The following SOS1 variants were observed in gnomAD, a reference collection of about 807,000 sequenced individuals.
SOS1 encodes the protein son of sevenless homolog 1.
In SOS1, 25 loss-of-function variants were observed where a neutral mutation model predicts 157.6. The ratio of observed to expected loss-of-function variants is 0.16; its 90% CI spans 0.12 to 0.22. SOS1 has a LOEUF of 0.22. Among genes scored for constraint, SOS1 ranks in the 10% least tolerant of loss-of-function variants. The pLI is 1.00. For missense variants in SOS1, 1,237 were observed against 1,599.1 expected, an observed-to-expected ratio of 0.77 and a Z score of 3.86; for synonymous variants, 528 against 534.0, an observed-to-expected ratio of 0.99 and a Z score of 0.16.
rs115050725 is a variant in SOS1 at position 39,072,689 on chromosome 2, A to C, written c.88-4936T>G. 9.7e-3 allele frequency among the ~76,000 whole-genome samples: 1,474 copies of C among 152,302 alleles called. 18 individuals are homozygous for C. The highest frequency in any genetic ancestry group is 0.016 in the Admixed American group (252 of 15,290). On this transcript the variant is annotated intron_variant, in intron 1 of 22. Transcript: ENST00000402219. ...ATTTATTGATGGTTACTAATATCCA[A>C]ATAAGAACTATTAAATAAATCAAAC...
At chr2:39,005,600 AC>A (rs1558465330) in intron 17 of SOS1, among the ~76,000 whole-genome samples, 2 of 152,140 alleles carry the variant, frequency 1.3e-5, no homozygotes, top group African/African-American at 4.8e-5. Flanking sequence ...AGAAGTAAAT[AC>A]AAAAATGGTT....
intron 1 of SOS1, among the ~76,000 whole-genome samples, chr2:39,095,784 C>G (rs940016187): frequency 2.0e-5 from 3 of 152,156 alleles, no homozygotes; most frequent in African/African-American, 7.2e-5. Flanking sequence ...AACAATGAAG[C>G]AGGAAAATTA....
At chr2:39,108,588 C>T (rs572882367) in intron 1 of SOS1, among the ~76,000 whole-genome samples, 1 of 152,116 alleles carries the variant, frequency 6.6e-6, no homozygotes, top group Admixed American at 6.6e-5. Flanking sequence ...GTCCCACTTC[C>T]ATTTAAAAAG....
intron 1 of SOS1, among the ~76,000 whole-genome samples, chr2:39,084,171 G>A: frequency 6.6e-6 from 1 of 152,256 alleles, no homozygotes; most frequent in African/African-American, 2.4e-5. Context: ...AATTTCTGTT[G>A]TTTAAGCCAC....
chr2:39,033,516 T>C (rs1206086086), intron 8 of SOS1, among the ~76,000 whole-genome samples: 3 of 152,022 alleles, frequency 2.0e-5, no homozygotes, highest in African/African-American at 7.2e-5. Context: ...GCTTCTTGGG[T>C]TCATTTGGAG....
rs767816044 is a variant in SOS1, at chr2:39,051,328, A to T, written c.721-41T>A. The T allele has an allele frequency of 3.8e-6, 6 of 1,568,378 alleles. 1 individual carries two copies. The South Asian group carries it at 5.6e-5, about 15-fold the overall frequency. On this transcript the variant is annotated intron_variant, in intron 5 of 22. Transcript: ENST00000402219. The stretch of plus-strand genomic sequence containing the variant: ...CACATTAATTCAGTGAGGCTGTATT[A>T]TTATAATATTAAACAAATTTTGAGC...
intron 6 of SOS1, among the ~76,000 whole-genome samples, chr2:39,046,610 T>C (rs2124587477): frequency 6.6e-6 from 1 of 150,902 alleles, no homozygotes; most frequent in South Asian, 2.1e-4. Context: ...GTTCACGCCA[T>C]TCTCCTGCCT....
intron 17 of SOS1, among the ~76,000 whole-genome samples, chr2:39,005,141 C>G (rs1011355970): frequency 6.6e-6 from 1 of 152,120 alleles, no homozygotes; most frequent in Non-Finnish European, 1.5e-5. Context: ...TACGTATGAG[C>G]TTAATTTATA....
In SOS1 at chr2:39,035,011, A is replaced by G. The variant is rs563434874; in HGVS notation, c.1074+201T>C. On this transcript the variant is annotated intron_variant, in intron 8 of 22. Transcript: ENST00000402219. ...AAACAAAAAACAAAAAAATTAAAAAACAACAAAAATAAAATTCACTACTAA... is the reference window on the plus strand; with the variant it reads ...AAACAAAAAACAAAAAAATTAAAAAGCAACAAAAATAAAATTCACTACTAA... Among the ~76,000 whole-genome samples, 3 of 152,330 alleles carry G rather than the reference A, an allele frequency of 2.0e-5. No individual in the cohort carries two copies. The South Asian group carries it at 6.2e-4, about 32-fold the overall frequency.
At chr2:39,091,626 C>G (rs1432417489) in intron 1 of SOS1, among the ~76,000 whole-genome samples, 1 of 152,096 alleles carries the variant, frequency 6.6e-6, no homozygotes, top group Non-Finnish European at 1.5e-5. Context: ...CCTCACATCC[C>G]CCAGTGTTCA....
rs1347684399 is a variant in SOS1 at position 39,024,085 on chromosome 2, G to C, written c.1127C>G (p.Ala376Gly). The change falls in exon 9 of 23, where the codon GCA becomes GGA. Residue 376 changes from alanine (A) to glycine (G), a missense_variant. Physicochemically the swap from Ala to Gly is moderately conservative, Grantham distance 60. Around this residue, in one of 15 missense-constraint regions of SOS1, gnomAD observed 101 missense variants for 171.5 expected, o/e 0.59. Coordinates refer to ENST00000402219, the MANE Select transcript of SOS1 (RefSeq NM_005633.4). Reference protein sequence around the residue: ...DQEDKECLKQAITALLNVQSG... With the variant: ...DQEDKECLKQGITALLNVQSG... Reference sequence around the variant, plus strand: ...CTGAACATTAAGCAAAGCTGTTATTGCTTGTTTTAAACATTCCTTGTCTTC... The same window carrying C: ...CTGAACATTAAGCAAAGCTGTTATTCCTTGTTTTAAACATTCCTTGTCTTC... 2 of 1,607,322 alleles carry C rather than the reference G, an allele frequency of 1.2e-6. No homozygotes were observed. The highest frequency in any genetic ancestry group is 3.3e-5 in the Admixed American group (2 of 59,948).
At position 38,982,976 on chromosome 2, in the gene SOS1, G is replaced by GTTGT. The variant is rs1431137334; in HGVS notation, c.*2844_*2847dup. On this transcript the variant is annotated 3_prime_UTR_variant, in exon 23 of 23. Transcript: ENST00000402219. ...TTCAGATCCATTAAAGCATCCTTGA[G>GTTGT]TTGTTAGAGAATAGTAACCTACTAA... 1 of 152,128 alleles carries GTTGT rather than the reference G, an allele frequency of 6.6e-6. No homozygotes were observed. The highest frequency in any genetic ancestry group is 6.6e-5 in the Admixed American group (1 of 15,248). 9.4% of individuals were successfully genotyped at this position (152,128 alleles called of 1,614,324 possible).
At chr2:39,084,958 A>G (rs532990475) in intron 1 of SOS1, among the ~76,000 whole-genome samples, 26 of 152,254 alleles carry the variant, frequency 1.7e-4, no homozygotes, top group African/African-American at 6.3e-4. Flanking sequence ...TCCCTTTATC[A>G]ATGATGTCCT....
chr2:39,054,603 A>G lies in SOS1; in HGVS notation c.720+11T>C, dbSNP rs1314142984. ...ACATTCAATGAGAGGCATATATACA[A>G]TGATACTTACATTAGCTGAAAACAA... is the stretch of plus-strand genomic sequence containing the variant. On this transcript the variant is annotated intron_variant, in intron 5 of 22. Coordinates refer to ENST00000402219, the MANE Select transcript of SOS1 (RefSeq NM_005633.4). 2.7e-6 allele frequency: 4 copies of G among 1,465,646 alleles called. No individual in the cohort carries two copies. Among genetic ancestry groups the G allele is most frequent in the Non-Finnish European group, 3.8e-6 (4 of 1,046,466 alleles). The allele number at this position is 1,465,646 out of a possible 1,614,324, so 90.8% of individuals were successfully genotyped here. A position where few individuals can be genotyped will look rare whatever the true frequency, so the allele number is the denominator to read the frequency against.
In SOS1 at chr2:39,055,145, C is replaced by T. The variant is rs573546367; in HGVS notation, c.511-322G>A. ...CTGACTTGGTTTTCTCTGTTTTATA[C>T]CCTGCCATCATCACTTTATTCCATG... On this transcript the variant is annotated intron_variant, in intron 4 of 22. Coordinates refer to ENST00000402219, the MANE Select transcript of SOS1 (RefSeq NM_005633.4). Among the ~76,000 whole-genome samples the T allele has an allele frequency of 3.3e-5, 5 of 152,230 alleles. No individual in the cohort carries two copies. In the East Asian group the frequency reaches 9.6e-4, roughly 29 times the overall value.
intron 1 of SOS1, among the ~76,000 whole-genome samples, chr2:39,087,526 GATCT>G (rs986370872): frequency 1.1e-4 from 17 of 152,292 alleles, no homozygotes; most frequent in Admixed American, 3.9e-4. Flanking sequence ...GTTGTAATCA[GATCT>G]ATCTTGGACA....
At chr2:39,018,253 C>A (rs1185801167) in intron 10 of SOS1, among the ~76,000 whole-genome samples, 1 of 151,584 alleles carries the variant, frequency 6.6e-6, no homozygotes, top group African/African-American at 2.4e-5. Flanking sequence ...CCACAAAATT[C>A]TTTCTCAAAC....
At chr2:39,096,696 T>C (rs1046238345) in intron 1 of SOS1, among the ~76,000 whole-genome samples, 1 of 152,070 alleles carries the variant, frequency 6.6e-6, no homozygotes, top group Non-Finnish European at 1.5e-5. Context: ...CCATCTTGGC[T>C]AACATGGTGA....
At chr2:39,067,925 C>A (rs891694390) in intron 1 of SOS1, among the ~76,000 whole-genome samples, 172 bp from the exon 2 acceptor site, 1 of 152,086 alleles carries the variant, frequency 6.6e-6, no homozygotes, top group Admixed American at 6.5e-5. Flanking sequence ...TTGAGACCAC[C>A]CTGGCCAACA....
Sources: gnomAD v4.1 joint callset for allele counts (sites outside exome capture counted in the v4.1 genomes callset) on GRCh38, gnomAD v4.1.1 for gene constraint, gnomAD v4.1.1 regional missense constraint, MANE v1.5 for transcripts, NCBI Gene and HGNC (gene_info 2026-07-23, HGNC 2026-07-21) for gene names.